SDK1: variants seen among roughly 807,000 people sequenced by gnomAD.
SDK1 encodes sidekick cell adhesion molecule 1.
SDK1 carries 157 observed loss-of-function variants against 245.5 expected under a neutral mutation model. The ratio of observed to expected loss-of-function variants is 0.64; its 90% CI spans 0.56 to 0.73. The LOEUF (loss-of-function observed/expected upper bound fraction) is 0.73. SDK1 is among the 30% of genes least tolerant of loss of function. The pLI, the probability that SDK1 is intolerant of heterozygous loss-of-function variation, is 0.00. For missense variants in SDK1, 3,583 were observed against 3,002.3 expected, an observed-to-expected ratio of 1.19 and a Z score of -4.52; for synonymous variants, 1,647 against 1,278.5, an observed-to-expected ratio of 1.29 and a Z score of -6.15.
chr7:3,633,803 G>C lies in SDK1; in HGVS notation c.459-5201G>C, dbSNP rs944884673. ...TGAGCTGTTGCATGGATGGATATTG[G>C]GGTGCCCTTAGAATCAGCCTGGAGA... On this transcript the variant is annotated intron_variant, in intron 2 of 44. Transcript: ENST00000404826. Among the ~76,000 whole-genome samples, 10 of 152,158 alleles carry C rather than the reference G, an allele frequency of 6.6e-5. No homozygotes were observed. In the East Asian group the frequency reaches 1.5e-3, roughly 24 times the overall value.
chr7:4,079,522 C>G lies in SDK1; in HGVS notation c.3262C>G (p.Leu1088Val). The change falls in exon 22 of 45, where the codon CTT becomes GTT. Residue 1088 changes from leucine (L) to valine (V), a missense_variant. Physicochemically the swap from Leu to Val is conservative, Grantham distance 32. Coordinates refer to ENST00000404826, the MANE Select transcript of SDK1 (RefSeq NM_152744.4). ...ISNISPRSAT[L>V]QFRPGYDGKT... ...CAACATCAGCCCTCGCTCCGCCACCCTTCAGTTCCGGCCAGGCTATGACGG... is the reference window on the plus strand; with the variant it reads ...CAACATCAGCCCTCGCTCCGCCACCGTTCAGTTCCGGCCAGGCTATGACGG... 6.2e-7 allele frequency: 1 copy of G among 1,614,254 alleles called. No individual in the cohort carries two copies. Among genetic ancestry groups the G allele is most frequent in the Non-Finnish European group, 8.5e-7 (1 of 1,180,044 alleles).
chr7:4,086,242 T>A (rs1375348151), intron 22 of SDK1, among the ~76,000 whole-genome samples: 3 of 152,162 alleles, frequency 2.0e-5, no homozygotes, highest in Non-Finnish European at 4.4e-5. Flanking sequence ...GGGGTTTGTT[T>A]ATGTAGCTAG....
chr7:4,117,381 T>G (rs1182720495), intron 25 of SDK1, among the ~76,000 whole-genome samples: 2 of 152,208 alleles, frequency 1.3e-5, no homozygotes, highest in Non-Finnish European at 2.9e-5. Flanking sequence ...GGCAGGAAGA[T>G]GGCTTGGGCC....
At chr7:3,470,878 T>G (rs150258407) in intron 1 of SDK1, among the ~76,000 whole-genome samples, 1 of 152,326 alleles carries the variant, frequency 6.6e-6, no homozygotes, top group Non-Finnish European at 1.5e-5. Context: ...TTGTATTATG[T>G]GCTTAAGGAG....
chr7:3,563,074 G>C (rs1407084958), intron 1 of SDK1, among the ~76,000 whole-genome samples: 1 of 152,154 alleles, frequency 6.6e-6, no homozygotes, highest in Non-Finnish European at 1.5e-5. Flanking sequence ...AAAGACGGTA[G>C]GGATGAAGAA....
chr7:3,836,424 C>T (rs949067199), intron 5 of SDK1, among the ~76,000 whole-genome samples: 3 of 152,136 alleles, frequency 2.0e-5, no homozygotes, highest in African/African-American at 7.2e-5. Context: ...TTCATTAATT[C>T]ATTGACTCAA....
chr7:3,846,901 C>T (rs1028616495), intron 5 of SDK1, among the ~76,000 whole-genome samples: 23 of 152,132 alleles, frequency 1.5e-4, no homozygotes, highest in African/African-American at 1.4e-4. Flanking sequence ...GAACTGCCCC[C>T]AGCAGGTGAA....
At chr7:4,251,968 A>G (rs1787330470) in intron 44 of SDK1, among the ~76,000 whole-genome samples, 1 of 152,190 alleles carries the variant, frequency 6.6e-6, no homozygotes, top group Non-Finnish European at 1.5e-5. Context: ...TGTTCTATTT[A>G]TATGGTACAT....
At chr7:4,101,742 G>A (rs751165672) in intron 22 of SDK1, among the ~76,000 whole-genome samples, 4 of 152,178 alleles carry the variant, frequency 2.6e-5, no homozygotes, top group African/African-American at 4.8e-5. Flanking sequence ...CCCCAGAAGC[G>A]TCTGCCTGTG....
At chr7:3,635,868 G>C (rs972878165) in intron 2 of SDK1, among the ~76,000 whole-genome samples, 3 of 152,002 alleles carry the variant, frequency 2.0e-5, no homozygotes, top group Non-Finnish European at 4.4e-5. Flanking sequence ...ACCACACTTG[G>C]CTAATTTTTG....
At chr7:4,137,039 C>T (rs770808560) in intron 28 of SDK1, among the ~76,000 whole-genome samples, 2 of 152,196 alleles carry the variant, frequency 1.3e-5, no homozygotes, top group Non-Finnish European at 2.9e-5. Context: ...GATGGTCGTG[C>T]TTTGGAGTCA....
chr7:3,693,494 A>G (rs1390211586), intron 4 of SDK1, among the ~76,000 whole-genome samples: 1 of 152,194 alleles, frequency 6.6e-6, no homozygotes. Flanking sequence ...CATTTCCTCC[A>G]GAAGTATTAT....
intron 4 of SDK1, among the ~76,000 whole-genome samples, chr7:3,675,652 C>A (rs73300240): frequency 2.0e-5 from 3 of 152,024 alleles, no homozygotes; most frequent in African/African-American, 7.3e-5. Context: ...TAGCTCACTG[C>A]GGCCTGGAAC....
At chr7:3,451,117 GT>G (rs1179993684) in intron 1 of SDK1, among the ~76,000 whole-genome samples, 2 of 152,092 alleles carry the variant, frequency 1.3e-5, no homozygotes, top group African/African-American at 4.8e-5. Context: ...GGATGATACA[GT>G]AGCTGGGAGA....
intron 1 of SDK1, among the ~76,000 whole-genome samples, chr7:3,458,308 C>G (rs1333437324): frequency 6.6e-6 from 1 of 151,942 alleles, no homozygotes; most frequent in Non-Finnish European, 1.5e-5. Context: ...TTCTGAAATT[C>G]ATTTAGGATA....
intron 22 of SDK1, among the ~76,000 whole-genome samples, chr7:4,093,447 A>G (rs899287756): frequency 7.0e-6 from 1 of 142,504 alleles, no homozygotes; most frequent in Non-Finnish European, 1.5e-5. Flanking sequence ...TTTCATTCTG[A>G]AAATGGAAAG....
At chr7:4,223,688 T>C (rs1252553101) in intron 40 of SDK1, among the ~76,000 whole-genome samples, 1 of 152,214 alleles carries the variant, frequency 6.6e-6, no homozygotes, top group Admixed American at 6.5e-5. Flanking sequence ...CATCTGCAAC[T>C]ACCCTATTTC....
At chr7:4,173,473 C>A (rs901332176) in intron 32 of SDK1, among the ~76,000 whole-genome samples, 1 of 152,242 alleles carries the variant, frequency 6.6e-6, no homozygotes, top group Non-Finnish European at 1.5e-5. Flanking sequence ...CTTGAGGTCT[C>A]ATAACCCTGT....
intron 5 of SDK1, among the ~76,000 whole-genome samples, chr7:3,937,799 C>T (rs375893834): frequency 1.2e-4 from 19 of 152,202 alleles, no homozygotes; most frequent in African/African-American, 3.4e-4. Context: ...TTGGGCTCCA[C>T]GCCCGGGCTT....
Sources: gnomAD v4.1 joint callset for allele counts (sites outside exome capture counted in the v4.1 genomes callset) on GRCh38, gnomAD v4.1.1 for gene constraint, MANE v1.5 for transcripts, NCBI Gene and HGNC (gene_info 2026-07-23, HGNC 2026-07-21) for gene names.